The following BMPR1A variants were observed in gnomAD, a reference collection of about 807,000 sequenced individuals.
BMPR1A encodes bone morphogenetic protein receptor type-1A.
A neutral mutation model predicts 66.0 loss-of-function variants in BMPR1A; 7 were observed. That is an observed-to-expected ratio of 0.11 (90% CI 0.06 to 0.20). The LOEUF is 0.20. Ranked by LOEUF, BMPR1A falls within the 10% of genes least tolerant of loss-of-function variation. The pLI, the probability that BMPR1A is intolerant of heterozygous loss-of-function variation, is 1.00. For synonymous variants in BMPR1A, 200 were observed against 229.7 expected (o/e 0.87, Z 1.17); for missense variants, 408 against 669.1 (o/e 0.61, Z 4.31).
intron 1 of BMPR1A, among the ~76,000 whole-genome samples, chr10:86,826,535 A>C (rs1233155993): frequency 6.6e-6 from 1 of 152,000 alleles, no homozygotes; most frequent in Non-Finnish European, 1.5e-5. Context: ...TCTTTTATGA[A>C]ATCTCATCAT....
At chr10:86,774,117 T>C (rs924387364) in intron 1 of BMPR1A, among the ~76,000 whole-genome samples, 2 of 152,322 alleles carry the variant, frequency 1.3e-5, no homozygotes, top group African/African-American at 4.8e-5. Context: ...CCGAAAGTGC[T>C]GGGATTACAA....
chr10:86,925,692 A>G lies in BMPR1A; in HGVS notation c.*1973A>G. 5.6e-6 allele frequency: 1 copy of G among 179,310 alleles called. No homozygotes were observed. Among genetic ancestry groups the G allele is most frequent in the Non-Finnish European group, 1.2e-5 (1 of 85,386 alleles). 11.1% of individuals were successfully genotyped at this position (179,310 alleles called of 1,614,324 possible). Reference sequence around the variant, plus strand: ...TAAATCTTGGTTTACTTTTGACTTGATACCATAATCTTTAAAATCATTTGT... The same window carrying G: ...TAAATCTTGGTTTACTTTTGACTTGGTACCATAATCTTTAAAATCATTTGT... On this transcript the variant is annotated 3_prime_UTR_variant, in exon 13 of 13. Coordinates refer to ENST00000372037, the MANE Select transcript of BMPR1A (RefSeq NM_004329.3).
intron 1 of BMPR1A, among the ~76,000 whole-genome samples, chr10:86,817,050 AT>A (rs911119061): frequency 2.6e-5 from 4 of 152,280 alleles, no homozygotes; most frequent in Non-Finnish European, 4.4e-5. Flanking sequence ...TTTCTACAAT[AT>A]TTTTTTCCAA....
chr10:86,906,719 GTC>G (rs1374301949), intron 7 of BMPR1A, among the ~76,000 whole-genome samples: 1 of 5,888 alleles, frequency 1.7e-4, no homozygotes, highest in Non-Finnish European at 2.1e-4. Context: ...GTGAGACTCC[GTC>G]TCAAAAAAAA....
At chr10:86,911,811 G>A (rs1364879080) in intron 7 of BMPR1A, among the ~76,000 whole-genome samples, 1 of 152,042 alleles carries the variant, frequency 6.6e-6, no homozygotes, top group Non-Finnish European at 1.5e-5. Flanking sequence ...AAGCTGAACT[G>A]TGGAAAAAAA....
At chr10:86,870,155 A>T (rs1053975379) in intron 2 of BMPR1A, among the ~76,000 whole-genome samples, 1 of 152,194 alleles carries the variant, frequency 6.6e-6, no homozygotes, top group Non-Finnish European at 1.5e-5. Flanking sequence ...CCATCTCCAG[A>T]GTCATAGCTG....
chr10:86,859,490 A>G (rs1331314037), intron 2 of BMPR1A, among the ~76,000 whole-genome samples: 1 of 151,956 alleles, frequency 6.6e-6, no homozygotes, highest in Non-Finnish European at 1.5e-5. Context: ...TTTTCAGCCC[A>G]TGTTTGCCTG....
intron 1 of BMPR1A, among the ~76,000 whole-genome samples, chr10:86,812,552 ATTCCTACAG>A (rs1841985521): frequency 6.6e-6 from 1 of 152,236 alleles, no homozygotes; most frequent in Admixed American, 6.5e-5. Flanking sequence ...TTACCAGCAT[ATTCCTACAG>A]TGCTGTATGC....
intron 1 of BMPR1A, among the ~76,000 whole-genome samples, chr10:86,773,753 G>A (rs961885571): frequency 4.0e-5 from 6 of 151,780 alleles, no homozygotes; most frequent in Non-Finnish European, 5.9e-5. Context: ...TGTGGAAATA[G>A]CAAAAGAAAC....
At chr10:86,884,742 A>G (rs1843047467) in intron 3 of BMPR1A, among the ~76,000 whole-genome samples, 1 of 151,802 alleles carries the variant, frequency 6.6e-6, no homozygotes, top group South Asian at 2.1e-4. Flanking sequence ...TGCAATAACT[A>G]TATTCATGTT....
At chr10:86,914,117 TAA>T (rs74542203) in intron 8 of BMPR1A, among the ~76,000 whole-genome samples, 1 of 138,914 alleles carries the variant, frequency 7.2e-6, no homozygotes, top group African/African-American at 2.6e-5. Flanking sequence ...GTTAATTGAT[TAA>T]AAAAAAAAAA....
Position 86,922,370 on chromosome 10 carries a change from G to A in BMPR1A, c.1342+675G>A, listed in dbSNP as rs574432689. On this transcript the variant is annotated intron_variant, in intron 11 of 12. Transcript: ENST00000372037. ...ACAGTGCTGCAGCAAACATGAGGGT[G>A]CAGGTATCTCTTCGGTTAGCTGATT... 5.9e-5 allele frequency among the ~76,000 whole-genome samples: 9 copies of A among 152,310 alleles called. No homozygotes were observed. The East Asian group carries it at 1.5e-3, about 26-fold the overall frequency.
At chr10:86,768,760 C>T (rs1841205469) in intron 1 of BMPR1A, among the ~76,000 whole-genome samples, 1 of 152,200 alleles carries the variant, frequency 6.6e-6, no homozygotes, top group African/African-American at 2.4e-5. Flanking sequence ...TTATTGCTTT[C>T]TGTGCCTTAT....
chr10:86,909,282 A>C (rs373127072), intron 7 of BMPR1A, among the ~76,000 whole-genome samples: 44 of 152,302 alleles, frequency 2.9e-4, no homozygotes, highest in Non-Finnish European at 5.7e-4. Flanking sequence ...TAAAATGTCA[A>C]TGTAAGGATG....
intron 11 of BMPR1A, among the ~76,000 whole-genome samples, chr10:86,922,854 A>C (rs969290436): frequency 4.6e-5 from 7 of 152,194 alleles, no homozygotes; most frequent in Admixed American, 4.6e-4. Context: ...AGTTACCCTC[A>C]CCGTTTCCGG....
intron 2 of BMPR1A, among the ~76,000 whole-genome samples, chr10:86,863,682 T>C (rs1842742946): frequency 6.6e-6 from 1 of 152,144 alleles, no homozygotes; most frequent in Admixed American, 6.5e-5. Flanking sequence ...TTATTCATAT[T>C]GAGTCTGAGA....
At chr10:86,913,660 A>G (rs1317232135) in intron 8 of BMPR1A, among the ~76,000 whole-genome samples, 2 of 152,204 alleles carry the variant, frequency 1.3e-5, no homozygotes, top group African/African-American at 4.8e-5. Context: ...AGGTAATTAT[A>G]AAAACAGTAT....
intron 1 of BMPR1A, among the ~76,000 whole-genome samples, chr10:86,761,148 T>G (rs1300162991): frequency 2.0e-5 from 3 of 152,222 alleles, no homozygotes; most frequent in African/African-American, 7.2e-5. Context: ...ATCAGTAGAC[T>G]CCATCTCAGG....
chr10:86,815,447 G>A (rs1299775266), intron 1 of BMPR1A, among the ~76,000 whole-genome samples: 1 of 152,138 alleles, frequency 6.6e-6, no homozygotes, highest in African/African-American at 2.4e-5. Flanking sequence ...ATCAGGGCTT[G>A]TCCACTTCAA....
Sources: allele counts gnomAD v4.1 joint callset (sites outside exome capture counted in the v4.1 genomes callset), GRCh38; gene constraint gnomAD v4.1.1; transcripts MANE v1.5; gene names NCBI Gene and HGNC (gene_info 2026-07-23, HGNC 2026-07-21).